Variants in DLGAP2 observed in about 807,000 individuals in gnomAD.
DLGAP2 encodes DLG associated protein 2.
A neutral mutation model predicts 100.3 loss-of-function variants in DLGAP2; 26 were observed. The observed-to-expected ratio is 0.26, with a 90% confidence interval of 0.19 to 0.36. The LOEUF is 0.36. Among genes scored for constraint, DLGAP2 ranks in the 10% least tolerant of loss-of-function variants. The pLI is 1.00. For missense variants in DLGAP2, 1,858 were observed against 1,453.2 expected, an observed-to-expected ratio of 1.28 and a Z score of -4.53; for synonymous variants, 886 against 630.1, an observed-to-expected ratio of 1.41 and a Z score of -6.08.
intron 1 of DLGAP2, among the ~76,000 whole-genome samples, chr8:883,637 G>C (rs1248438423): frequency 6.6e-6 from 1 of 151,376 alleles, no homozygotes; most frequent in African/African-American, 2.4e-5. Context: ...ACGTAGGAGC[G>C]CGGGTGCCGC....
In DLGAP2 at chr8:1,091,489, C is replaced by G. The variant is rs1246242161; in HGVS notation, c.74-167362C>G. On this transcript the variant is annotated intron_variant, in intron 2 of 14. Transcript: ENST00000637795. ...GAAATGGAACATCGTCTTCATTCCA[C>G]CATCCAGATGGCTGGTATTTTGCTG... Among the ~76,000 whole-genome samples, 4 of 152,348 alleles carry G rather than the reference C, an allele frequency of 2.6e-5. No individual in the cohort carries two copies. The East Asian group carries it at 5.8e-4, about 22-fold the overall frequency.
rs1803289760 is a variant in DLGAP2, at chr8:1,067,437, G to T, written c.73+159471G>T. 2.0e-5 allele frequency among the ~76,000 whole-genome samples: 3 copies of T among 152,168 alleles called. No individual in the cohort carries two copies. The South Asian group carries it at 6.2e-4, about 32-fold the overall frequency. ...TGCAGGCTCCTGAGTGTACTTGGGA[G>T]GTCAGAGGCTTCCTGGGAGGGGGCC... On this transcript the variant is annotated intron_variant, in intron 2 of 14. Transcript: ENST00000637795.
intron 1 of DLGAP2, among the ~76,000 whole-genome samples, chr8:898,306 A>G (rs889119311): frequency 1.3e-5 from 2 of 152,104 alleles, no homozygotes; most frequent in South Asian, 4.1e-4. Context: ...ACTTCACCCA[A>G]GAGGCCTTGG....
intron 2 of DLGAP2, among the ~76,000 whole-genome samples, chr8:980,730 GGC>G (rs1800307482): frequency 6.6e-6 from 1 of 152,092 alleles, no homozygotes; most frequent in Non-Finnish European, 1.5e-5. Flanking sequence ...AGGACACGCT[GGC>G]TCAGCTGAGG....
At chr8:1,094,224 G>C (rs1474804530) in intron 2 of DLGAP2, among the ~76,000 whole-genome samples, 42 of 152,216 alleles carry the variant, frequency 2.8e-4, no homozygotes, top group Admixed American at 2.7e-3. Context: ...GGACGGTAGA[G>C]CTGGGAGGTT....
chr8:1,683,834 C>CTATATATATATATATATATATATATATA lies in DLGAP2; in HGVS notation c.2704+5228_2704+5229insATATATATATATATATATATATATATAT, dbSNP rs35210879. 1.6e-4 allele frequency among the ~76,000 whole-genome samples: 9 copies of CTATATATATATATATATATATATATATA among 56,154 alleles called. 1 individual carries two copies. The highest frequency in any genetic ancestry group is 8.7e-4 in the South Asian group (1 of 1,156). The allele number at this position is 56,154 out of a possible 152,430, so 36.8% of individuals were successfully genotyped here. ...CCTGATTTTCCTTGTCTTTGCTCCA[C>CTATATATATATATATATATATATATATA]TATATATATATATATATATATATGT... On this transcript the variant is annotated intron_variant, in intron 12 of 14. Transcript: ENST00000637795.
intron 1 of DLGAP2, among the ~76,000 whole-genome samples, chr8:747,146 G>A (rs796955371): frequency 2.0e-5 from 3 of 152,218 alleles, no homozygotes; most frequent in African/African-American, 7.2e-5. Context: ...GAGACCAGGA[G>A]GCTCTAGAGT....
rs548588710 is a variant in DLGAP2 at position 1,339,865 on chromosome 8, A to AT, written c.106+80989dup. 1.2e-4 allele frequency among the ~76,000 whole-genome samples: 19 copies of AT among 152,260 alleles called. No homozygotes were observed. The East Asian group carries it at 2.9e-3, about 23-fold the overall frequency. ...TGATAATAGATAAAAGGTGGAACTT[A>AT]TTTTTTTATCTCTGGGATCCTGTGA... On this transcript the variant is annotated intron_variant, in intron 3 of 14. Coordinates refer to ENST00000637795, the MANE Select transcript of DLGAP2 (RefSeq NM_001346810.2).
In DLGAP2 at chr8:1,512,900, C is replaced by T. The variant is rs143785471; in HGVS notation, c.172+11469C>T. Among the ~76,000 whole-genome samples, 318 of 152,384 alleles carry T rather than the reference C, an allele frequency of 2.1e-3. 5 individuals carry two copies. Among genetic ancestry groups the T allele is most frequent in the Non-Finnish European group, 7.5e-4 (51 of 68,040 alleles). On this transcript the variant is annotated intron_variant, in intron 4 of 14. Coordinates refer to ENST00000637795, the MANE Select transcript of DLGAP2 (RefSeq NM_001346810.2). ...AGGCCCCGGGTCATGGTCGCACCGC[C>T]ACCCTGTGCCATCTGTGTGTGCACG...
chr8:1,689,303 G>C (rs950681775), intron 12 of DLGAP2, among the ~76,000 whole-genome samples: 1 of 152,188 alleles, frequency 6.6e-6, no homozygotes, highest in Non-Finnish European at 1.5e-5. Context: ...AGATCCCCAG[G>C]TGAGGCACAG....
At chr8:1,322,751 A>G (rs955404392) in intron 3 of DLGAP2, among the ~76,000 whole-genome samples, 2 of 152,250 alleles carry the variant, frequency 1.3e-5, no homozygotes, top group East Asian at 3.8e-4. Flanking sequence ...TGCCCTGGGA[A>G]ACATAGATCA....
intron 3 of DLGAP2, among the ~76,000 whole-genome samples, chr8:1,282,950 A>G (rs1799847556): frequency 7.7e-6 from 1 of 129,288 alleles, no homozygotes; most frequent in East Asian, 2.6e-4. Context: ...ACCTGAACCC[A>G]GCGCCCTGAA....
At chr8:1,163,871 C>G (rs1049413429) in intron 2 of DLGAP2, among the ~76,000 whole-genome samples, 5 of 152,200 alleles carry the variant, frequency 3.3e-5, no homozygotes, top group Non-Finnish European at 7.3e-5. Flanking sequence ...GCTGCCGACA[C>G]GTCCTTGCTG....
intron 2 of DLGAP2, among the ~76,000 whole-genome samples, chr8:1,212,082 A>G (rs1798117471): frequency 6.6e-6 from 1 of 152,144 alleles, no homozygotes; most frequent in Non-Finnish European, 1.5e-5. Flanking sequence ...ACAAATGAAA[A>G]CATTTAAACC....
chr8:1,474,438 C>T (rs1798879331), intron 3 of DLGAP2, among the ~76,000 whole-genome samples: 1 of 152,152 alleles, frequency 6.6e-6, no homozygotes, highest in Non-Finnish European at 1.5e-5. Flanking sequence ...ACTCTTAGTT[C>T]TTCAAGGAAT....
intron 5 of DLGAP2, among the ~76,000 whole-genome samples, chr8:1,552,847 G>C (rs1300484562): frequency 6.6e-6 from 1 of 152,108 alleles, no homozygotes; most frequent in African/African-American, 2.4e-5. Flanking sequence ...TTTTTAAGTA[G>C]GTCAAAACGG....
At chr8:995,510 A>T (rs1285647072) in intron 2 of DLGAP2, among the ~76,000 whole-genome samples, 1 of 152,214 alleles carries the variant, frequency 6.6e-6, no homozygotes, top group African/African-American at 2.4e-5. Flanking sequence ...GGATTTTAGT[A>T]TTTCCATTAC....
At chr8:784,918 C>T (rs1821795918) in intron 1 of DLGAP2, among the ~76,000 whole-genome samples, 1 of 152,080 alleles carries the variant, frequency 6.6e-6, no homozygotes, top group Non-Finnish European at 1.5e-5. Flanking sequence ...AAAAAAAGGG[C>T]ACGTCCTGGC....
intron 3 of DLGAP2, among the ~76,000 whole-genome samples, chr8:1,464,918 GA>G (rs68161561): frequency 0.19 from 29,144 of 152,176 alleles, 2,846 homozygotes; most frequent in South Asian, 0.27. Context: ...TCTGAGTAGA[GA>G]AAAAGCACAA....
Sources: gnomAD v4.1 joint callset for allele counts (sites outside exome capture counted in the v4.1 genomes callset) on GRCh38, gnomAD v4.1.1 for gene constraint, MANE v1.5 for transcripts, NCBI Gene and HGNC (gene_info 2026-07-23, HGNC 2026-07-21) for gene names.